FLG: variants seen among roughly 807,000 people sequenced by gnomAD.
The protein encoded by FLG is filaggrin.
A neutral mutation model predicts 3.8 loss-of-function variants in FLG; 6 were observed. The ratio of observed to expected loss-of-function variants is 1.60; its 90% CI spans 0.87 to 3.15. The LOEUF (loss-of-function observed/expected upper bound fraction) is 3.15, where lower values mean the gene tolerates loss of function less well. FLG is among the 30% of genes most tolerant of loss of function. FLG has a pLI of 0.00. For missense variants in FLG, 7,595 were observed against 5,050.9 expected (o/e 1.50, Z -15.27); for synonymous variants, 2,551 against 1,931.6 (o/e 1.32, Z -8.41).
chr1:152,314,976 T>C lies in FLG; in HGVS notation c.139-229A>G, dbSNP rs186922625. 6.8e-4 allele frequency: 363 copies of C among 536,256 alleles called. 1 individual carries two copies. Among genetic ancestry groups the C allele is most frequent in the Non-Finnish European group, 1.0e-3 (309 of 309,568 alleles). 33.2% of individuals were successfully genotyped at this position (536,256 alleles called of 1,614,324 possible). A position where few individuals can be genotyped will look rare whatever the true frequency, so the allele number is the denominator to read the frequency against. On this transcript the variant is annotated intron_variant, in intron 2 of 2. Transcript: ENST00000368799. ...TGATGGGGTAAGTGACTCTTTTTCT[T>C]ATTTTAAAAGTCAGAAGTGTATATA... is the stretch of plus-strand genomic sequence containing the variant.
At position 152,309,550 on chromosome 1, in the gene FLG, TG is replaced by T. The variant is rs1309333115; in HGVS notation, c.5335del (p.His1779MetfsTer55). 3 of 1,613,748 alleles carry T rather than the reference TG, an allele frequency of 1.9e-6. No individual in the cohort carries two copies. In the African/African-American group the frequency reaches 4.0e-5, roughly 22 times the overall value. ...TCCAGTGCTGGGCCCTGTGCGTCCA[TG>T]GGCGGACTCAGACTGTTCATGAGTG... ...VSTHEQSESA[H>X]GRTGPSTGGR... On this transcript the variant is annotated frameshift_variant, in exon 3 of 3. Transcript: ENST00000368799. LOFTEE classifies it low-confidence loss of function (END_TRUNC).
Position 152,312,538 on chromosome 1 carries a change from G to C in FLG, c.2348C>G (p.Ser783Ter). 1 of 1,613,618 alleles carries C rather than the reference G, an allele frequency of 6.2e-7. No homozygotes were observed. Among genetic ancestry groups the C allele is most frequent in the African/African-American group, 1.3e-5 (1 of 74,790 alleles). Residue 783 changes from serine (S) to a stop codon, truncating the protein, a stop_gained, in exon 3 of 3, where the codon TCA becomes TGA. Coordinates refer to ENST00000368799, the MANE Select transcript of FLG (RefSeq NM_002016.2). LOFTEE classifies it low-confidence loss of function (END_TRUNC). The part of the protein sequence containing the change: ...QSHQESARDR[S>*]GERSRRSGSF... ...CCCTGAACGTCGAGACCTTTCCCCT[G>C]ACCGGTCACGTGCGGACTCTTGGTG...
rs1651725434 is a variant in FLG at position 152,303,444 on chromosome 1, A to G, written c.11442T>C (p.Arg3814=). Residue 3814 remains arginine (R), a synonymous_variant, in exon 3 of 3, where the codon CGT becomes CGC. Transcript: ENST00000368799. ...AGCCGTCTCCTGACTGTTCCTCATT[A>G]CGTGTTTCTCTGCTTGCACTTCTGG... The part of the protein sequence containing the change: ...SGSRSASRET[R]NEEQSGDGSR... 1.2e-6 allele frequency: 2 copies of G among 1,613,184 alleles called. No individual in the cohort carries two copies. The highest frequency in any genetic ancestry group is 1.7e-6 in the Non-Finnish European group (2 of 1,179,876).
Position 152,307,225 on chromosome 1 carries a change from G to A in FLG, c.7661C>T (p.Ser2554Leu). 6.2e-7 allele frequency: 1 copy of A among 1,612,820 alleles called. No individual in the cohort carries two copies. ...GTTCCTGCTTGTCCTGGGCCCCTCT[G>A]ATTGTCCCTGGCCCACCTGCGAGTG... ...SGHSQVGQGQ[S>L]EGPRTSRNWG... The change falls in exon 3 of 3, where the codon TCA becomes TTA. Residue 2554 changes from serine to leucine, a missense_variant. Physicochemically the swap from Ser to Leu is moderately radical, Grantham distance 145. Transcript: ENST00000368799.
Position 152,308,242 on chromosome 1 carries a change from G to T in FLG, c.6644C>A (p.Ser2215Tyr). The T allele has an allele frequency of 6.2e-7, 1 of 1,613,998 alleles. No individual in the cohort carries two copies. Among genetic ancestry groups the T allele is most frequent in the Non-Finnish European group, 8.5e-7 (1 of 1,179,940 alleles). ...HSGSHHHEAS[S>Y]WADSSRHSLV... is the part of the protein sequence containing the mutation. ...TGAGTGTCTAGAGCTGTCGGCCCAA[G>T]AGGAAGCTTCATGATGATGCGACCC... The change falls in exon 3 of 3, where the codon TCT becomes TAT. Residue 2215 changes from serine to tyrosine, a missense_variant. Transcript: ENST00000368799.
At position 152,307,308 on chromosome 1, in the gene FLG, G is replaced by T. The variant is rs1167771025; in HGVS notation, c.7578C>A (p.Gly2526=). ...GGTGACGCGACCCTGAGTGCCTGGA[G>T]CCGTCTCCTGATTGTTCATCGTTAC... ...QTRNDEQSGD[G]SRHSGSRHHE... is the part of the protein sequence containing the mutation. Residue 2526 remains glycine, a synonymous_variant, in exon 3 of 3, where the codon GGC becomes GGA. Transcript: ENST00000368799. The T allele has an allele frequency of 6.2e-7, 1 of 1,613,534 alleles. No homozygotes were observed. Among genetic ancestry groups the T allele is most frequent in the Non-Finnish European group, 8.5e-7 (1 of 1,179,972 alleles).
At chr1:152,314,947 G>T (rs1652724659) in intron 2 of FLG, 200 bp from the exon 3 acceptor site, 4 of 594,392 alleles carry the variant, frequency 6.7e-6, no homozygotes, top group Non-Finnish European at 8.7e-6. Context: ...AAGGTATCAA[G>T]ATTTGATGGG....
Position 152,313,432 on chromosome 1 carries a change from G to A in FLG, c.1454C>T (p.Thr485Ile). The A allele has an allele frequency of 6.2e-7, 1 of 1,613,830 alleles. No homozygotes were observed. Among genetic ancestry groups the A allele is most frequent in the Non-Finnish European group, 8.5e-7 (1 of 1,179,964 alleles). Residue 485 changes from threonine (T) to isoleucine (I), a missense_variant, in exon 3 of 3, where the codon ACC becomes ATC. Transcript: ENST00000368799. ...TTGTCTTCCTCCAGTGCTGGTCCCG[G>A]TCCGTCCATGGGCAGAGTCAGGCTG... The part of the protein sequence containing the change: ...HEQPDSAHGR[T>I]GTSTGGRQGS...
chr1:152,307,598 G>T lies in FLG; in HGVS notation c.7288C>A (p.Arg2430=), dbSNP rs140376327. 5.6e-6 allele frequency: 9 copies of T among 1,613,528 alleles called. No individual in the cohort carries two copies. The highest frequency in any genetic ancestry group is 7.6e-6 in the Non-Finnish European group (9 of 1,179,918). Residue 2430 remains arginine (R), a synonymous_variant, in exon 3 of 3, where the codon CGG becomes AGG. Transcript: ENST00000368799. ...CTTCCTCCAGTGCTGGTCCCGGTCC[G>T]TCCATGGGCGGACTCAGACTGTTCA... is the stretch of plus-strand genomic sequence containing the variant. The part of the protein sequence containing the change: ...THEQSESAHG[R]TGTSTGGRQG...
chr1:152,311,617 C>A lies in FLG; in HGVS notation c.3269G>T (p.Gly1090Val). 3 of 1,614,102 alleles carry A rather than the reference C, an allele frequency of 1.9e-6. No homozygotes were observed. The highest frequency in any genetic ancestry group is 2.5e-6 in the Non-Finnish European group (3 of 1,180,006). The change falls in exon 3 of 3, where the codon GGA becomes GTA. Residue 1090 changes from glycine (G) to valine (V), a missense_variant. Gly to Val is a moderately radical substitution (Grantham distance 109, BLOSUM62 -3). Transcript: ENST00000368799. ...GCTCTGCTGATGGGGCCCATCCTGTCCATGGCCTGACACTGACTGTGTGTC... is the reference window on the plus strand; with the variant it reads ...GCTCTGCTGATGGGGCCCATCCTGTACATGGCCTGACACTGACTGTGTGTC... ...ESDTQSVSGH[G>V]QDGPHQQSHQ...
rs764274037 is a variant in FLG at position 152,304,457 on chromosome 1, G to A, written c.10429C>T (p.Arg3477Cys). The A allele has an allele frequency of 1.3e-5, 21 of 1,612,300 alleles. No homozygotes were observed. The highest frequency in any genetic ancestry group is 1.6e-4 in the Middle Eastern group (1 of 6,070). The stretch of plus-strand genomic sequence containing the variant: ...GCACTTCTGGATCCTGACTGCCCAC[G>A]GGAGGCATCAGACCTTCCCTGGGAT... The part of the protein sequence containing the change: ...TTSQGRSDAS[R>C]GQSGSRSASR... Residue 3477 changes from arginine (R) to cysteine (C), a missense_variant, in exon 3 of 3, where the codon CGT (arginine) becomes TGT (cysteine). Transcript: ENST00000368799.
At position 152,310,011 on chromosome 1, in the gene FLG, C is replaced by G; in HGVS notation, c.4875G>C (p.Gln1625His). ...SRNHYGSARE[Q>H]SRHGSRNPRS... The stretch of plus-strand genomic sequence containing the variant: ...TGGGGTTCCTGGAGCCATGTCTTGA[C>G]TGCTCCCGAGCAGATCCATAATGGT... The change falls in exon 3 of 3, where the codon CAG becomes CAC. Residue 1625 changes from glutamine (Q) to histidine (H), a missense_variant. Physicochemically the swap from Gln to His is conservative, Grantham distance 24. Transcript: ENST00000368799. The G allele has an allele frequency of 6.2e-7, 1 of 1,614,044 alleles. No homozygotes were observed. Among genetic ancestry groups the G allele is most frequent in the South Asian group, 1.1e-5 (1 of 91,066 alleles).
chr1:152,310,262 T>C lies in FLG; in HGVS notation c.4624A>G (p.Arg1542Gly), dbSNP rs559621510. 15 of 1,613,796 alleles carry C rather than the reference T, an allele frequency of 9.3e-6. No homozygotes were observed. The highest frequency in any genetic ancestry group is 8.5e-6 in the Non-Finnish European group (10 of 1,179,966). Reference protein sequence around the residue: ...HGQSGPRSASRQTRNEEQSGD... With the variant: ...HGQSGPRSASGQTRNEEQSGD... ...GATTGTTCCTCATTTCTTGTTTGCC[T>C]GCTTGCACTTCTGGGTCCTGACTGC... Residue 1542 changes from arginine to glycine, a missense_variant, in exon 3 of 3, where the codon AGG (arginine) becomes GGG (glycine). Physicochemically the swap from Arg to Gly is moderately radical, Grantham distance 125 (BLOSUM62 -2). Coordinates refer to ENST00000368799, the MANE Select transcript of FLG (RefSeq NM_002016.2).
chr1:152,307,579 C>G lies in FLG; in HGVS notation c.7307G>C (p.Gly2436Ala), dbSNP rs1652065572. Residue 2436 changes from glycine (G) to alanine (A), a missense_variant, in exon 3 of 3, where the codon GGA becomes GCA. Gly to Ala is a moderately conservative substitution (Grantham distance 60). Coordinates refer to ENST00000368799, the MANE Select transcript of FLG (RefSeq NM_002016.2). ...CTTGTGGTGGGATCCTTGTCTTCCT[C>G]CAGTGCTGGTCCCGGTCCGTCCATG... ...SAHGRTGTSTGGRQGSHHKQA... is the reference protein window; with the variant it reads ...SAHGRTGTSTAGRQGSHHKQA... 2.5e-6 allele frequency: 4 copies of G among 1,613,762 alleles called. No individual in the cohort carries two copies. The highest frequency in any genetic ancestry group is 3.3e-4 in the Middle Eastern group (2 of 6,082).
chr1:152,303,033 G>C lies in FLG; in HGVS notation c.11853C>G (p.His3951Gln). 6.2e-7 allele frequency: 1 copy of C among 1,614,182 alleles called. No individual in the cohort carries two copies. The highest frequency in any genetic ancestry group is 2.2e-5 in the East Asian group (1 of 44,882). Residue 3951 changes from histidine to glutamine, a missense_variant, in exon 3 of 3, where the codon CAC (histidine) becomes CAG (glutamine). Coordinates refer to ENST00000368799, the MANE Select transcript of FLG (RefSeq NM_002016.2). ...HSGIQSRGSP[H>Q]SSSSYHYQSE... ...ATTGATAATGATAAGAACTAGAACT[G>C]TGAGGACTGCCACGTGACTGTATTC...
chr1:152,309,197 G>A lies in FLG; in HGVS notation c.5689C>T (p.His1897Tyr), dbSNP rs766030258. ...GATTGTCCCTGGCCCACCTGCGAGT[G>A]TCTAGAGCTGTCGGCCCGAGAGGAA... Reference protein sequence around the residue: ...EASSRADSSRHSQVGQGQSSG... With the variant: ...EASSRADSSRYSQVGQGQSSG... Residue 1897 changes from histidine (H) to tyrosine (Y), a missense_variant, in exon 3 of 3, where the codon CAC (histidine) becomes TAC (tyrosine). By Grantham distance (83) the His-to-Tyr change is moderately conservative. Coordinates refer to ENST00000368799, the MANE Select transcript of FLG (RefSeq NM_002016.2). 2 of 1,613,690 alleles carry A rather than the reference G, an allele frequency of 1.2e-6. No homozygotes were observed. Among genetic ancestry groups the A allele is most frequent in the South Asian group, 1.1e-5 (1 of 91,058 alleles).
chr1:152,307,160 G>A lies in FLG; in HGVS notation c.7726C>T (p.His2576Tyr), dbSNP rs781167922. The change falls in exon 3 of 3, where the codon CAC (histidine) becomes TAC (tyrosine). Residue 2576 changes from histidine (H) to tyrosine (Y), a missense_variant. Physicochemically the swap from His to Tyr is moderately conservative, Grantham distance 83. Transcript: ENST00000368799. ...SFSQDSDSQG[H>Y]SEDSERWSGS... ...GACCACCTCTCAGAGTCTTCTGAGT[G>A]TCCCTGACTGTCACTGTCCTGGCTA... 14 of 1,612,698 alleles carry A rather than the reference G, an allele frequency of 8.7e-6. No individual in the cohort carries two copies. The East Asian group carries it at 2.0e-4, about 23-fold the overall frequency.
At chr1:152,323,475 T>G (rs1653046751) in intron 1 of FLG, among the ~76,000 whole-genome samples, 1 of 151,556 alleles carries the variant, frequency 6.6e-6, no homozygotes, top group Non-Finnish European at 1.5e-5. Context: ...AATGGAAAAA[T>G]GAATACCTTA....
At position 152,305,106 on chromosome 1, in the gene FLG, G is replaced by T. The variant is rs754827994; in HGVS notation, c.9780C>A (p.Asp3260Glu). The change falls in exon 3 of 3, where the codon GAC (aspartate) becomes GAA (glutamate). Residue 3260 changes from aspartate to glutamate, a missense_variant. Asp to Glu is a conservative substitution (Grantham distance 45). Transcript: ENST00000368799. The stretch of plus-strand genomic sequence containing the variant: ...CTGCAGAGTGCCCGTGACCGGCTCT[G>T]TCTTCGTGATGGGACCTGGGGTGTC... Reference protein sequence around the residue: ...GSRHPRSHHEDRAGHGHSADR... With the variant: ...GSRHPRSHHEERAGHGHSADR... 7 of 1,613,932 alleles carry T rather than the reference G, an allele frequency of 4.3e-6. No homozygotes were observed. Among genetic ancestry groups the T allele is most frequent in the African/African-American group, 1.3e-5 (1 of 74,994 alleles).
Sources: gnomAD v4.1 joint callset for allele counts (sites outside exome capture counted in the v4.1 genomes callset) on GRCh38, gnomAD v4.1.1 for gene constraint, MANE v1.5 for transcripts, NCBI Gene and HGNC (gene_info 2026-07-23, HGNC 2026-07-21) for gene names.